RPS5: variants seen among roughly 807,000 people sequenced by gnomAD.
RPS5 encodes the protein small ribosomal subunit protein uS7.
In RPS5, 2 loss-of-function variants were observed where a neutral mutation model predicts 20.9. The observed-to-expected ratio is 0.10, with a 90% CI of 0.04 to 0.30. The LOEUF is 0.30. Among genes scored for constraint, RPS5 ranks in the 10% least tolerant of loss-of-function variants. RPS5 has a pLI of 1.00. For synonymous variants in RPS5, 112 were observed against 105.8 expected (o/e 1.06, Z -0.36); for missense variants, 122 against 287.2 (o/e 0.42, Z 4.16).
Position 58,393,107 on chromosome 19 carries a change from C to T in RPS5, c.240C>T (p.Gly80=), listed in dbSNP as rs1369426690. Residue 80 remains glycine, a synonymous_variant, in exon 3 of 6, where the codon GGC becomes GGT. Transcript: ENST00000196551. ...TCACTAACTCCATGATGATGCACGGCCGCAACAACGGCAAGAAGCTCATGA... is the reference window on the plus strand; with the variant it reads ...TCACTAACTCCATGATGATGCACGGTCGCAACAACGGCAAGAAGCTCATGA... ...ERLTNSMMMH[G]RNNGKKLMTV... is the part of the protein sequence containing the mutation. The T allele has an allele frequency of 1.2e-6, 2 of 1,614,248 alleles. No individual in the cohort carries two copies. The highest frequency in any genetic ancestry group is 1.7e-6 in the Non-Finnish European group (2 of 1,180,044).
At position 58,388,704 on chromosome 19, in the gene RPS5, G is replaced by A. The variant is rs571527030; in HGVS notation, c.108+459G>A. 65 of 329,270 alleles carry A rather than the reference G, an allele frequency of 2.0e-4. 1 individual carries two copies. In the East Asian group the frequency reaches 2.7e-3, roughly 14 times the overall value. 20.4% of individuals were successfully genotyped at this position (329,270 alleles called of 1,614,324 possible). ...GTTCCCTGGGCTGGAGTGCAGTGAC[G>A]CGATCTGCCTACCGGGTTCACACCA... On this transcript the variant is annotated intron_variant, in intron 2 of 5. Coordinates refer to ENST00000196551, the MANE Select transcript of RPS5 (RefSeq NM_001009.4).
At chr19:58,389,430 C>CCTG (rs61667659) in intron 2 of RPS5, among the ~76,000 whole-genome samples, 12,768 of 151,970 alleles carry the variant, frequency 0.084, 1,803 homozygotes, top group African/African-American at 0.29. Context: ...TGCCACCAAA[C>CCTG]CTGCTACCTT....
At chr19:58,391,268 C>G (rs1397965968) in intron 2 of RPS5, among the ~76,000 whole-genome samples, 1 of 151,666 alleles carries the variant, frequency 6.6e-6, no homozygotes, top group Non-Finnish European at 1.5e-5. Flanking sequence ...CCCGTCTCTA[C>G]TAAAAATACA....
chr19:58,388,260 G>T lies in RPS5; in HGVS notation c.108+15G>T. 1 of 1,565,590 alleles carries T rather than the reference G, an allele frequency of 6.4e-7. No homozygotes were observed. The highest frequency in any genetic ancestry group is 8.8e-7 in the Non-Finnish European group (1 of 1,139,610). ...TTTCCCTGCAGGTGAGGGGAACTTG[G>T]TGATTGGCCTTCCTGGCTGGGGGCG... On this transcript the variant is annotated intron_variant, in intron 2 of 5. Coordinates refer to ENST00000196551, the MANE Select transcript of RPS5 (RefSeq NM_001009.4).
rs768879859 is a variant in RPS5, at chr19:58,394,343, CTCTA to C, written c.448-150_448-147del. 6.2e-4 allele frequency: 399 copies of C among 644,796 alleles called. 1 individual carries two copies. The highest frequency in any genetic ancestry group is 9.1e-4 in the Non-Finnish European group (322 of 354,976). The allele number at this position is 644,796 out of a possible 1,614,324, so 39.9% of individuals were successfully genotyped here. A position where few individuals can be genotyped will look rare whatever the true frequency, so the allele number is the denominator to read the frequency against. On this transcript the variant is annotated intron_variant, in intron 4 of 5. Coordinates refer to ENST00000196551, the MANE Select transcript of RPS5 (RefSeq NM_001009.4). ...TGTCTGGACACTTGCTCTTGTGACC[CTCTA>C]TCTGATTGCAAATCAGGCATGATGC... is the stretch of plus-strand genomic sequence containing the variant.
chr19:58,390,489 G>A lies in RPS5; in HGVS notation c.108+2244G>A, dbSNP rs1472398711. Among the ~76,000 whole-genome samples, 9 of 125,610 alleles carry A rather than the reference G, an allele frequency of 7.2e-5. No homozygotes were observed. In the East Asian group the frequency reaches 2.4e-3, roughly 33 times the overall value. 82.4% of individuals were successfully genotyped at this position (125,610 alleles called of 152,430 possible). On this transcript the variant is annotated intron_variant, in intron 2 of 5. Coordinates refer to ENST00000196551, the MANE Select transcript of RPS5 (RefSeq NM_001009.4). ...GTCGCTCTGTCACCCAGGCTGGAGT[G>A]CAGTGGCACGATCTCGGCTCACTGC... is the stretch of plus-strand genomic sequence containing the variant.
At chr19:58,390,856 T>C (rs1450110649) in intron 2 of RPS5, among the ~76,000 whole-genome samples, 1 of 152,174 alleles carries the variant, frequency 6.6e-6, no homozygotes, top group Non-Finnish European at 1.5e-5. Flanking sequence ...GTGAGTTTTT[T>C]TTTTCTTGCA....
chr19:58,388,380 C>T (rs1599932370), intron 2 of RPS5, 135 bp downstream of exon 2: 3 of 651,466 alleles, frequency 4.6e-6, no homozygotes, highest in East Asian at 2.7e-5. Context: ...CCCTTGACCA[C>T]CACATCTACC....
chr19:58,394,112 T>C, intron 4 of RPS5: 1 of 207,362 alleles, frequency 4.8e-6, no homozygotes, highest in South Asian at 8.6e-5. Context: ...CCTTTTTTGT[T>C]GTCGTCGGTT....
Position 58,393,138 on chromosome 19 carries a change from C to A in RPS5, c.271C>A (p.Arg91Ser). Residue 91 changes from arginine to serine, a missense_variant, in exon 3 of 6, where the codon CGC becomes AGC. Around this residue, in one of 6 missense-constraint regions of RPS5, gnomAD observed 49 missense variants for 64.9 expected, o/e 0.75. Coordinates refer to ENST00000196551, the MANE Select transcript of RPS5 (RefSeq NM_001009.4). ...RNNGKKLMTV[R>S]IVKHAFEIIH... Reference sequence around the variant, plus strand: ...CAACGGCAAGAAGCTCATGACTGTGCGCATCGTCAAGCATGCCTTCGAGAT... The same window carrying A: ...CAACGGCAAGAAGCTCATGACTGTGAGCATCGTCAAGCATGCCTTCGAGAT... The A allele has an allele frequency of 6.2e-7, 1 of 1,614,122 alleles. No individual in the cohort carries two copies. The highest frequency in any genetic ancestry group is 1.1e-5 in the South Asian group (1 of 91,078).
chr19:58,393,511 G>C (rs1443692743), intron 4 of RPS5, 24 bp downstream of exon 4: 1 of 1,597,758 alleles, frequency 6.3e-7, no homozygotes, highest in African/African-American at 1.3e-5. Context: ...TTATGCACGT[G>C]GCAGGGTGGA....
chr19:58,393,722 C>G (rs1156689847), intron 4 of RPS5: 9 of 533,302 alleles, frequency 1.7e-5, no homozygotes, highest in African/African-American at 3.9e-5. Flanking sequence ...TATTTTTACA[C>G]TGTGTGTATA....
At chr19:58,392,687 G>T (rs2052371415) in intron 2 of RPS5, among the ~76,000 whole-genome samples, 1 of 151,778 alleles carries the variant, frequency 6.6e-6, no homozygotes, top group South Asian at 2.1e-4. Flanking sequence ...ATAGTGTGCA[G>T]GACAGCCCCC....
rs751784869 is a variant in RPS5 at position 58,388,791 on chromosome 19, A to AT, written c.108+559dup. ...AGGTGCCCGCCACTGCACCTGGCTG[A>AT]TTTTTTTTTTTTTATTTTTAGTAGA... On this transcript the variant is annotated intron_variant, in intron 2 of 5. Coordinates refer to ENST00000196551, the MANE Select transcript of RPS5 (RefSeq NM_001009.4). Among the ~76,000 whole-genome samples, 76 of 144,444 alleles carry AT rather than the reference A, an allele frequency of 5.3e-4. 1 individual carries two copies. The highest frequency in any genetic ancestry group is 8.8e-4 in the South Asian group (4 of 4,564). The allele number at this position is 144,444 out of a possible 152,430, so 94.8% of individuals were successfully genotyped here.
At chr19:58,388,429 TTC>T (rs1239756868) in intron 2 of RPS5, 184 bp downstream of exon 2, 2 of 592,510 alleles carry the variant, frequency 3.4e-6, no homozygotes, top group Non-Finnish European at 6.0e-6. Flanking sequence ...TGACTACAAC[TTC>T]TGTCATGAGA....
At chr19:58,394,448 T>C in intron 4 of RPS5, 49 bp from the exon 5 acceptor site, 2 of 1,538,092 alleles carry the variant, frequency 1.3e-6, no homozygotes, top group Non-Finnish European at 1.8e-6. Flanking sequence ...CCCAGGGTGC[T>C]GGAGGACCGC....
intron 2 of RPS5, among the ~76,000 whole-genome samples, chr19:58,388,913 G>T (rs1472872248): frequency 6.6e-6 from 1 of 152,152 alleles, no homozygotes; most frequent in Non-Finnish European, 1.5e-5. Flanking sequence ...ACAGGCGTGA[G>T]CCACCGCGCC....
At chr19:58,393,628 C>A in intron 4 of RPS5, 141 bp downstream of exon 4, 2 of 1,096,794 alleles carry the variant, frequency 1.8e-6, no homozygotes, top group Non-Finnish European at 2.5e-6. Context: ...CCTGGATTCC[C>A]ACCCTGCATA....
At position 58,393,129 on chromosome 19, in the gene RPS5, A is replaced by G; in HGVS notation, c.262A>G (p.Met88Val). 2 of 1,614,210 alleles carry G rather than the reference A, an allele frequency of 1.2e-6. No homozygotes were observed. The highest frequency in any genetic ancestry group is 1.7e-6 in the Non-Finnish European group (2 of 1,180,024). ...MHGRNNGKKL[M>V]TVRIVKHAFE... ...CGGCCGCAACAACGGCAAGAAGCTC[A>G]TGACTGTGCGCATCGTCAAGCATGC... Residue 88 changes from methionine (M) to valine (V), a missense_variant, in exon 3 of 6, where the codon ATG becomes GTG. By Grantham distance (21) the Met-to-Val change is conservative. This residue lies in a region of RPS5 where 49 missense variants were observed against 64.9 expected (regional missense o/e 0.75). Transcript: ENST00000196551.
Sources: allele counts gnomAD v4.1 joint callset (sites outside exome capture counted in the v4.1 genomes callset), GRCh38; gene constraint gnomAD v4.1.1; regional missense constraint gnomAD v4.1.1; transcripts MANE v1.5; gene names NCBI Gene and HGNC (gene_info 2026-07-23, HGNC 2026-07-21).